The following RPH3AL variants were observed in gnomAD, a reference collection of about 807,000 sequenced individuals.
The protein encoded by RPH3AL is rabphilin 3A like (without C2 domains), also known as rab effector Noc2.
Under a neutral mutation model 43.1 loss-of-function variants are expected in RPH3AL, and 38 were observed. That is an observed-to-expected ratio of 0.88 (90% confidence interval 0.68 to 1.15). The LOEUF (loss-of-function observed/expected upper bound fraction) is 1.15. RPH3AL is among the 50% of genes most tolerant of loss of function. RPH3AL has a pLI of 0.00. For missense variants in RPH3AL, 462 were observed against 423.2 expected (o/e 1.09, Z -0.81); for synonymous variants, 189 against 176.3 (o/e 1.07, Z -0.57).
chr17:242,336 A>AC (rs1298383773), intron 7 of RPH3AL, among the ~76,000 whole-genome samples: 897 of 87,894 alleles, frequency 0.01, 26 homozygotes, highest in African/African-American at 0.037. Context: ...TCTATTGACT[A>AC]CCTTCCTCTA....
chr17:289,231 A>G lies in RPH3AL; in HGVS notation c.352-7377T>C, dbSNP rs150342655. Among the ~76,000 whole-genome samples, 246 of 152,280 alleles carry G rather than the reference A, an allele frequency of 1.6e-3. No individual in the cohort carries two copies. Among genetic ancestry groups the G allele is most frequent in the African/African-American group, 5.7e-3 (238 of 41,560 alleles). On this transcript the variant is annotated intron_variant, in intron 5 of 9. Transcript: ENST00000331302. This position sits in a 1 kb window ranked among gnomAD's most constrained non-coding sequence, Gnocchi z 5.2. ...AAGGGAGACGGTCATGAAAGTGCTC[A>G]GCACCATAAAAGGTTAGGTAGGCGG... is the stretch of plus-strand genomic sequence containing the variant.
chr17:299,311 T>A (rs67133830), intron 5 of RPH3AL, among the ~76,000 whole-genome samples: 46,348 of 151,814 alleles, frequency 0.31, 7,450 homozygotes, highest in Non-Finnish European at 0.37. Flanking sequence ...CACCCTTCTC[T>A]GCCTCAGTTT....
chr17:327,004 G>C (rs1196113185), intron 3 of RPH3AL, among the ~76,000 whole-genome samples: 1 of 152,240 alleles, frequency 6.6e-6, no homozygotes, highest in Non-Finnish European at 1.5e-5. Flanking sequence ...CACTGCAACA[G>C]ACTTTTGTTC....
intron 7 of RPH3AL, among the ~76,000 whole-genome samples, chr17:228,030 G>T (rs1400157040): frequency 6.6e-6 from 1 of 152,070 alleles, no homozygotes; most frequent in African/African-American, 2.4e-5. Flanking sequence ...TGCTCCACCT[G>T]CACACAGGGT....
chr17:289,614 C>T lies in RPH3AL; in HGVS notation c.352-7760G>A, dbSNP rs1244106618. On this transcript the variant is annotated intron_variant, in intron 5 of 9. Coordinates refer to ENST00000331302, the MANE Select transcript of RPH3AL (RefSeq NM_006987.4). The surrounding 1 kb of genome is among the most constrained non-coding windows in gnomAD (Gnocchi z 5.2). ...AACTTAAAAGCCATCAGAGGCTTCC[C>T]GCTGCTCTGGGGTGACCACCGCCTC... Among the ~76,000 whole-genome samples, 2 of 152,112 alleles carry T rather than the reference C, an allele frequency of 1.3e-5. No homozygotes were observed. Among genetic ancestry groups the T allele is most frequent in the African/African-American group, 2.4e-5 (1 of 41,412 alleles).
intron 6 of RPH3AL, 61 bp downstream of exon 6, chr17:281,706 TC>T (rs2042783706): frequency 1.5e-6 from 1 of 652,578 alleles, no homozygotes; most frequent in South Asian, 1.7e-5. Context: ...CGTCCACCCA[TC>T]CCCATCTGAG....
chr17:314,249 G>T (rs59654081), intron 5 of RPH3AL, among the ~76,000 whole-genome samples: 21,728 of 152,144 alleles, frequency 0.14, 1,836 homozygotes, highest in African/African-American at 0.23. Context: ...TTTACCACAG[G>T]CCAGGCTCTG....
At chr17:233,472 G>A (rs1301573401) in intron 7 of RPH3AL, among the ~76,000 whole-genome samples, 5 of 152,140 alleles carry the variant, frequency 3.3e-5, no homozygotes, top group Non-Finnish European at 7.4e-5. Context: ...TGCTGATGAG[G>A]TCACGTTGGG....
intron 5 of RPH3AL, among the ~76,000 whole-genome samples, chr17:304,632 C>T (rs2043417836): frequency 6.6e-6 from 1 of 152,014 alleles, no homozygotes. Context: ...TTCCACCCGG[C>T]CAGGGCAGGC....
intron 2 of RPH3AL, chr17:332,143 G>C (rs779581078): frequency 2.3e-5 from 8 of 340,726 alleles, no homozygotes; most frequent in Non-Finnish European, 4.1e-5. Context: ...GCGGGGAGCA[G>C]ACACAGGAGG....
rs573366910 is a variant in RPH3AL at position 322,790 on chromosome 17, G to A, written c.78-1375C>T. Among the ~76,000 whole-genome samples, 428 of 152,204 alleles carry A rather than the reference G, an allele frequency of 2.8e-3. 1 individual carries two copies. Among genetic ancestry groups the A allele is most frequent in the African/African-American group, 9.0e-3 (372 of 41,516 alleles). ...TTGCAGCTAACGGTTCTCTGTGGCC[G>A]ACACAATAGGAGTTTGGAAAGCTAA... On this transcript the variant is annotated intron_variant, in intron 3 of 9. Transcript: ENST00000331302. This position sits in a 1 kb window ranked among gnomAD's most constrained non-coding sequence, Gnocchi z 4.0.
chr17:253,247 C>T (rs527656567), intron 6 of RPH3AL, among the ~76,000 whole-genome samples: 2 of 152,310 alleles, frequency 1.3e-5, no homozygotes, highest in African/African-American at 4.8e-5. Context: ...CCCCACCTCA[C>T]GCCCAGCCAG....
chr17:238,266 G>GA (rs562456669), intron 7 of RPH3AL, among the ~76,000 whole-genome samples: 68 of 151,300 alleles, frequency 4.5e-4, no homozygotes, highest in African/African-American at 1.6e-3. Flanking sequence ...GAGAGAAAGA[G>GA]AAAAAGAGAG....
intron 5 of RPH3AL, among the ~76,000 whole-genome samples, chr17:317,701 G>C (rs924324298): frequency 6.6e-6 from 1 of 152,216 alleles, no homozygotes; most frequent in Non-Finnish European, 1.5e-5. Context: ...GACAAAAGCA[G>C]GAAAAGAAAT....
chr17:283,607 C>T lies in RPH3AL; in HGVS notation c.352-1753G>A, dbSNP rs1165998989. On this transcript the variant is annotated intron_variant, in intron 5 of 9. Coordinates refer to ENST00000331302, the MANE Select transcript of RPH3AL (RefSeq NM_006987.4). The surrounding 1 kb of genome is among the most constrained non-coding windows in gnomAD (Gnocchi z 4.2). ...CCAGATCTGCAGAGGGTCCCCTGAG[C>T]GCCGTCCACACTCCTCACTGCTGGC... Among the ~76,000 whole-genome samples the T allele has an allele frequency of 3.9e-5, 6 of 152,032 alleles. No homozygotes were observed. Among genetic ancestry groups the T allele is most frequent in the South Asian group, 2.1e-4 (1 of 4,820 alleles).
chr17:218,655 T>C (rs1837395593), intron 8 of RPH3AL, among the ~76,000 whole-genome samples: 1 of 152,148 alleles, frequency 6.6e-6, no homozygotes, highest in South Asian at 2.1e-4. Context: ...GACAGGAAAA[T>C]GTCTTTCCTT....
At chr17:224,649 C>A (rs2041065523) in intron 7 of RPH3AL, among the ~76,000 whole-genome samples, 1 of 152,160 alleles carries the variant, frequency 6.6e-6, no homozygotes, top group African/African-American at 2.4e-5. Context: ...GTGGACCTGA[C>A]CTGTACACTG....
At chr17:219,540 T>TTTTTTTA (rs2040901903) in intron 8 of RPH3AL, 83 bp downstream of exon 8, 1 of 334,128 alleles carries the variant, frequency 3.0e-6, no homozygotes. Flanking sequence ...TTTTTTTTTT[T>TTTTTTTA]TTGAGATGGA....
chr17:266,453 G>A (rs2042325539), intron 6 of RPH3AL, among the ~76,000 whole-genome samples: 1 of 152,318 alleles, frequency 6.6e-6, no homozygotes, highest in South Asian at 2.1e-4. Context: ...TGGCCGGCTG[G>A]CTCCCCTGTA....
Sources: gnomAD v4.1 joint callset for allele counts (sites outside exome capture counted in the v4.1 genomes callset) on GRCh38, gnomAD v4.1.1 for gene constraint, Gnocchi (gnomAD v3.1) non-coding constraint, MANE v1.5 for transcripts, NCBI Gene and HGNC (gene_info 2026-07-23, HGNC 2026-07-21) for gene names.